ARID1B: variants seen among roughly 807,000 people sequenced by gnomAD.
ARID1B encodes the protein AT-rich interactive domain-containing protein 1B.
A neutral mutation model predicts 212.3 loss-of-function variants in ARID1B; 30 were observed. The observed-to-expected ratio is 0.14, with a 90% CI of 0.11 to 0.19. The LOEUF is 0.19. Among genes scored for constraint, ARID1B ranks in the 10% least tolerant of loss-of-function variants. ARID1B has a pLI of 1.00. For missense variants in ARID1B, 2,891 were observed against 3,204.0 expected, an observed-to-expected ratio of 0.90 and a Z score of 2.36; for synonymous variants, 1,402 against 1,301.7, an observed-to-expected ratio of 1.08 and a Z score of -1.66.
intron 1 of ARID1B, among the ~76,000 whole-genome samples, chr6:156,799,847 A>G (rs575913324): frequency 1.9e-4 from 29 of 152,308 alleles, no homozygotes; most frequent in Admixed American, 2.6e-4. Context: ...CTCCAAGAGG[A>G]TACCATTTGG....
chr6:156,796,722 G>T (rs906988486), intron 1 of ARID1B, among the ~76,000 whole-genome samples: 10 of 152,160 alleles, frequency 6.6e-5, no homozygotes, highest in African/African-American at 2.4e-4. Flanking sequence ...TATCCTTTTT[G>T]CCATATTACA....
intron 4 of ARID1B, among the ~76,000 whole-genome samples, chr6:156,956,645 C>A (rs1288599729): frequency 1.3e-5 from 2 of 152,142 alleles, no homozygotes; most frequent in Admixed American, 1.3e-4. Context: ...GTGTATTTTG[C>A]ATCTCCCTCC....
At chr6:157,021,634 T>C (rs915326609) in intron 4 of ARID1B, among the ~76,000 whole-genome samples, 2 of 152,020 alleles carry the variant, frequency 1.3e-5, no homozygotes, top group African/African-American at 4.8e-5. Flanking sequence ...CGCGCACAGA[T>C]GAGCCTTTGT....
intron 1 of ARID1B, among the ~76,000 whole-genome samples, chr6:156,810,706 C>A (rs1288917553): frequency 6.6e-6 from 1 of 152,148 alleles, no homozygotes; most frequent in Non-Finnish European, 1.5e-5. Context: ...AATCAGCCCC[C>A]AATAACTTCT....
intron 6 of ARID1B, among the ~76,000 whole-genome samples, chr6:157,121,785 C>T (rs539308985): frequency 6.6e-6 from 1 of 152,192 alleles, no homozygotes; most frequent in South Asian, 2.1e-4. Context: ...GCACATGTCA[C>T]CACGCCCGGC....
chr6:157,020,833 T>G (rs958931248), intron 4 of ARID1B, among the ~76,000 whole-genome samples: 1 of 152,208 alleles, frequency 6.6e-6, no homozygotes, highest in African/African-American at 2.4e-5. Context: ...TGTACGTGGT[T>G]TCTTTGGCTG....
chr6:157,123,013 C>T (rs1787849623), intron 6 of ARID1B, among the ~76,000 whole-genome samples: 1 of 152,102 alleles, frequency 6.6e-6, no homozygotes, highest in South Asian at 2.1e-4. Flanking sequence ...GACTGGTTTT[C>T]CTTTAACCCC....
chr6:156,953,577 A>G (rs886805244), intron 4 of ARID1B, among the ~76,000 whole-genome samples: 1 of 152,200 alleles, frequency 6.6e-6, no homozygotes, highest in Non-Finnish European at 1.5e-5. Context: ...GTCTCCTAGT[A>G]TGTTTGACTA....
chr6:156,779,181 A>ACCCTCAATCAGCTGCTCACCTCGC lies in ARID1B; in HGVS notation c.1504_1527dup (p.Leu502_Pro509dup). ...CCAGCACCCGTCGGGGGCCACCCCG[A>ACCCTCAATCAGCTGCTCACCTCGC]CCCTCAATCAGCTGCTCACCTCGCC... On this transcript the variant is annotated inframe_insertion, in exon 1 of 20. Coordinates refer to ENST00000636930, the MANE Select transcript of ARID1B (RefSeq NM_001374828.1). The ACCCTCAATCAGCTGCTCACCTCGC allele has an allele frequency of 7.6e-7, 1 of 1,323,556 alleles. No homozygotes were observed. The highest frequency in any genetic ancestry group is 9.7e-7 in the Non-Finnish European group (1 of 1,028,600). 82.0% of individuals were successfully genotyped at this position (1,323,556 alleles called of 1,614,324 possible).
intron 4 of ARID1B, among the ~76,000 whole-genome samples, chr6:156,997,396 T>C (rs1032782155): frequency 6.6e-6 from 1 of 152,226 alleles, no homozygotes; most frequent in African/African-American, 2.4e-5. Flanking sequence ...TAATTATACA[T>C]GTGGCATCCT....
intron 3 of ARID1B, among the ~76,000 whole-genome samples, chr6:156,929,862 C>T (rs1250236620): frequency 6.6e-6 from 1 of 152,092 alleles, no homozygotes; most frequent in East Asian, 1.9e-4. Context: ...GCTCCTTTCC[C>T]TCCTCCATTC....
At chr6:157,074,271 C>T (rs1784173105) in intron 4 of ARID1B, among the ~76,000 whole-genome samples, 1 of 152,134 alleles carries the variant, frequency 6.6e-6, no homozygotes, top group South Asian at 2.1e-4. Context: ...GTCACCCAGG[C>T]TGGAACTAAG....
intron 5 of ARID1B, among the ~76,000 whole-genome samples, chr6:157,108,909 A>G (rs1786692138): frequency 6.6e-6 from 1 of 152,256 alleles, no homozygotes; most frequent in African/African-American, 2.4e-5. Flanking sequence ...TCTGAAAATG[A>G]GAGTGGCAGT....
chr6:156,987,900 A>G (rs1312556323), intron 4 of ARID1B, among the ~76,000 whole-genome samples: 2 of 152,182 alleles, frequency 1.3e-5, no homozygotes, highest in Non-Finnish European at 2.9e-5. Flanking sequence ...ACTTTCTGTA[A>G]TATGTTTTTG....
chr6:157,043,882 A>G (rs970348309), intron 4 of ARID1B, among the ~76,000 whole-genome samples: 2 of 152,222 alleles, frequency 1.3e-5, no homozygotes, highest in African/African-American at 4.8e-5. Flanking sequence ...AAATATGTTC[A>G]TTAATCAGGT....
At chr6:157,039,678 C>CTTCTTTCCTTCT (rs1562569214) in intron 4 of ARID1B, among the ~76,000 whole-genome samples, 1 of 85,864 alleles carries the variant, frequency 1.2e-5, no homozygotes, top group East Asian at 2.8e-4. Context: ...TCCTTCCTTC[C>CTTCTTTCCTTCT]TTCCTTCCTT....
At chr6:156,794,628 G>A (rs1315416771) in intron 1 of ARID1B, among the ~76,000 whole-genome samples, 3 of 144,026 alleles carry the variant, frequency 2.1e-5, no homozygotes, top group African/African-American at 7.8e-5. Context: ...CCAGGCTGGA[G>A]TGCAGTGGTG....
intron 2 of ARID1B, among the ~76,000 whole-genome samples, chr6:156,875,349 G>A (rs1786461667): frequency 6.6e-6 from 1 of 152,130 alleles, no homozygotes; most frequent in African/African-American, 2.4e-5. Flanking sequence ...CTTCATATCT[G>A]CATCCATTTT....
chr6:157,072,676 T>G (rs1784065043), intron 4 of ARID1B: 1 of 152,250 alleles, frequency 6.6e-6, no homozygotes, highest in African/African-American at 2.4e-5. Context: ...AGTTTTCTTA[T>G]TTCCTGTTTT....
Sources: gnomAD v4.1 joint callset for allele counts (sites outside exome capture counted in the v4.1 genomes callset) on GRCh38, gnomAD v4.1.1 for gene constraint, MANE v1.5 for transcripts, NCBI Gene and HGNC (gene_info 2026-07-23, HGNC 2026-07-21) for gene names.